The following KBTBD3 variants were observed in gnomAD, a reference collection of about 807,000 sequenced individuals.
The protein encoded by KBTBD3 is kelch repeat and BTB domain-containing protein 3.
Under a neutral mutation model 49.6 loss-of-function variants are expected in KBTBD3, and 38 were observed. That is an observed-to-expected ratio of 0.77 (90% CI 0.59 to 1.00). The LOEUF is 1.00. Among genes scored for constraint, KBTBD3 ranks in the 50% least tolerant of loss-of-function variants. KBTBD3 has a pLI of 0.00. For synonymous variants in KBTBD3, 214 were observed against 250.4 expected (o/e 0.85, Z 1.37); for missense variants, 661 against 712.0 (o/e 0.93, Z 0.81).
Position 106,053,639 on chromosome 11 carries a change from G to A in KBTBD3, c.1050C>T (p.Cys350=). 1 of 1,613,748 alleles carries A rather than the reference G, an allele frequency of 6.2e-7. No homozygotes were observed. The highest frequency in any genetic ancestry group is 1.1e-5 in the South Asian group (1 of 91,074). The change falls in exon 4 of 4, where the codon TGC becomes TGT. Residue 350 remains cysteine, a synonymous_variant. Coordinates refer to ENST00000531837, the MANE Select transcript of KBTBD3 (RefSeq NM_198439.3). ...GAACCGTTCGACAACATTTCCCTTT[G>A]CAACCACCTGTCAAGAATATTTTCT... The part of the protein sequence containing the change: ...YGEKIFLTGG[C]KGKCCRTVRL...
chr11:106,073,258 C>CTTTTTTTTTT (rs374062847), intron 2 of KBTBD3, among the ~76,000 whole-genome samples: 2 of 113,110 alleles, frequency 1.8e-5, no homozygotes, highest in Non-Finnish European at 1.7e-5. Context: ...GCACACTCAG[C>CTTTTTTTTTT]TTTTTTTTTT....
Position 106,052,642 on chromosome 11 carries a change from C to T in KBTBD3, c.*208G>A. The T allele has an allele frequency of 6.4e-6, 3 of 470,094 alleles. No individual in the cohort carries two copies. The highest frequency in any genetic ancestry group is 6.8e-5 in the South Asian group (2 of 29,358). 29.1% of individuals were successfully genotyped at this position (470,094 alleles called of 1,614,324 possible). A position where few individuals can be genotyped will look rare whatever the true frequency, so the allele number is the denominator to read the frequency against. ...GAAAATACTAAGTATTCTGGATTCC[C>T]CAAGGTTAAATTATATTCAGTATAA... is the stretch of plus-strand genomic sequence containing the variant. On this transcript the variant is annotated 3_prime_UTR_variant, in exon 4 of 4. Coordinates refer to ENST00000531837, the MANE Select transcript of KBTBD3 (RefSeq NM_198439.3).
Position 106,054,038 on chromosome 11 carries a change from T to A in KBTBD3, c.651A>T (p.Lys217Asn), listed in dbSNP as rs1860496676. Residue 217 changes from lysine (K) to asparagine (N), a missense_variant, in exon 4 of 4, where the codon AAA (lysine) becomes AAT (asparagine). By Grantham distance (94) the Lys-to-Asn change is moderately conservative (BLOSUM62 0). Transcript: ENST00000531837. ...LNVPEEEMVL[K>N]VVLSWTKHNL... ...TATGTTTAGTCCAACTAAGGACAAC[T>A]TTCAGTACCATTTCTTCTTCAGGAA... 6.2e-7 allele frequency: 1 copy of A among 1,613,776 alleles called. No individual in the cohort carries two copies. The highest frequency in any genetic ancestry group is 8.5e-7 in the Non-Finnish European group (1 of 1,179,830).
At chr11:106,056,886 A>G (rs1860563547) in intron 3 of KBTBD3, among the ~76,000 whole-genome samples, 1 of 152,146 alleles carries the variant, frequency 6.6e-6, no homozygotes, top group Non-Finnish European at 1.5e-5. Context: ...ATGGAAGAAA[A>G]CTTAGGTTAT....
chr11:106,054,983 T>C (rs868158888), intron 3 of KBTBD3, among the ~76,000 whole-genome samples: 2 of 152,062 alleles, frequency 1.3e-5, no homozygotes, highest in Non-Finnish European at 2.9e-5. Flanking sequence ...ATAAGATACA[T>C]GTCTAAAAAG....
At chr11:106,071,691 T>C (rs979634924) in intron 2 of KBTBD3, among the ~76,000 whole-genome samples, 1 of 152,174 alleles carries the variant, frequency 6.6e-6, no homozygotes, top group Admixed American at 6.5e-5. Flanking sequence ...AAGTGTATTT[T>C]GCAAATAACA....
chr11:106,071,022 T>C (rs1475174992), intron 2 of KBTBD3, among the ~76,000 whole-genome samples: 1 of 152,088 alleles, frequency 6.6e-6, no homozygotes, highest in Non-Finnish European at 1.5e-5. Context: ...TGCACCCATA[T>C]GGGGAAACAG....
At chr11:106,070,860 A>G (rs1860904160) in intron 2 of KBTBD3, among the ~76,000 whole-genome samples, 1 of 152,108 alleles carries the variant, frequency 6.6e-6, no homozygotes, top group Non-Finnish European at 1.5e-5. Flanking sequence ...CATACCGTGG[A>G]ATACTACTCG....
In KBTBD3 at chr11:106,058,537, C is replaced by A. The variant is rs868779545; in HGVS notation, c.233+328G>T. Among the ~76,000 whole-genome samples the A allele has an allele frequency of 2.6e-5, 4 of 151,992 alleles. No individual in the cohort carries two copies. In the East Asian group the frequency reaches 7.9e-4, roughly 30 times the overall value. ...CTCCTGGGTTCAAGCGATTCTTGTG[C>A]CTCAGCCTCCTGTATAGCTGGGATT... is the stretch of plus-strand genomic sequence containing the variant. On this transcript the variant is annotated intron_variant, in intron 3 of 3. Transcript: ENST00000531837.
intron 3 of KBTBD3, among the ~76,000 whole-genome samples, chr11:106,055,172 T>C (rs552535351): frequency 6.6e-6 from 1 of 152,306 alleles, no homozygotes; most frequent in Non-Finnish European, 1.5e-5. Flanking sequence ...TCATAATAAG[T>C]TTTGTTTTAT....
chr11:106,065,410 A>T (rs1030443418), intron 2 of KBTBD3, among the ~76,000 whole-genome samples: 17 of 152,208 alleles, frequency 1.1e-4, no homozygotes, highest in African/African-American at 3.9e-4. Flanking sequence ...TGGAAAATAG[A>T]ATTTGTGAAT....
intron 1 of KBTBD3, 51 bp from the exon 2 acceptor site, chr11:106,076,758 T>C (rs1861039070): frequency 1.3e-5 from 2 of 152,122 alleles, no homozygotes; most frequent in African/African-American, 2.4e-5. Context: ...TCTGAGAAAA[T>C]AACTGAGCAA....
intron 3 of KBTBD3, among the ~76,000 whole-genome samples, chr11:106,055,702 CT>C (rs1238193153): frequency 6.6e-6 from 1 of 152,096 alleles, no homozygotes; most frequent in Non-Finnish European, 1.5e-5. Context: ...GGTGACTTAA[CT>C]TTATTGTGCT....
chr11:106,067,316 T>G (rs1860828566), intron 2 of KBTBD3, among the ~76,000 whole-genome samples: 4 of 152,124 alleles, frequency 2.6e-5, no homozygotes, highest in Admixed American at 2.6e-4. Context: ...CTAAAACATC[T>G]ATGCAGGCCA....
rs372844298 is a variant in KBTBD3 at position 106,054,211 on chromosome 11, T to C, written c.478A>G (p.Ile160Val). Residue 160 changes from isoleucine to valine, a missense_variant, in exon 4 of 4, where the codon ATA (isoleucine) becomes GTA (valine). By Grantham distance (29) the Ile-to-Val change is conservative. Coordinates refer to ENST00000531837, the MANE Select transcript of KBTBD3 (RefSeq NM_198439.3). Reference protein sequence around the residue: ...NLVNCLQLLSISDSYGSTSLF... With the variant: ...NLVNCLQLLSVSDSYGSTSLF... ...CTGGTGGAGCCATAGCTATCTGATA[T>C]AGATAATAACTGTAAACAATTGACA... 1.2e-4 allele frequency: 200 copies of C among 1,612,590 alleles called. 1 individual carries two copies. The highest frequency in any genetic ancestry group is 4.3e-4 in the Admixed American group (26 of 59,794).
At position 106,052,245 on chromosome 11, in the gene KBTBD3, G is replaced by A. The variant is rs1036942109; in HGVS notation, c.*605C>T. 1 of 151,544 alleles carries A rather than the reference G, an allele frequency of 6.6e-6. No individual in the cohort carries two copies. The highest frequency in any genetic ancestry group is 1.5e-5 in the Non-Finnish European group (1 of 67,814). 9.4% of individuals were successfully genotyped at this position (151,544 alleles called of 1,614,324 possible). ...TGAAAACTAATCAGCAATTTTTAAA[G>A]CATTTAAGTAACTGCTAATGGCATT... On this transcript the variant is annotated 3_prime_UTR_variant, in exon 4 of 4. Transcript: ENST00000531837.
intron 2 of KBTBD3, among the ~76,000 whole-genome samples, chr11:106,063,089 T>C (rs1484552336): frequency 1.3e-5 from 2 of 152,262 alleles, no homozygotes; most frequent in Non-Finnish European, 2.9e-5. Flanking sequence ...AGATGGCTAT[T>C]AGCCTGAGGT....
intron 2 of KBTBD3, among the ~76,000 whole-genome samples, chr11:106,060,183 T>C (rs963481387): frequency 5.3e-5 from 8 of 151,998 alleles, no homozygotes; most frequent in Admixed American, 4.6e-4. Context: ...CTTAAATATT[T>C]ATTGATTCAT....
At chr11:106,059,365 T>C (rs1463005282) in intron 2 of KBTBD3, among the ~76,000 whole-genome samples, 2 of 152,210 alleles carry the variant, frequency 1.3e-5, no homozygotes, top group African/African-American at 2.4e-5. Context: ...TTGTGTTAAA[T>C]AGCAAAATGT....
Sources: gnomAD v4.1 joint callset for allele counts (sites outside exome capture counted in the v4.1 genomes callset) on GRCh38, gnomAD v4.1.1 for gene constraint, MANE v1.5 for transcripts, NCBI Gene and HGNC (gene_info 2026-07-23, HGNC 2026-07-21) for gene names.